ATP8A2: variants seen among roughly 807,000 people sequenced by gnomAD.
ATP8A2 encodes phospholipid-transporting ATPase IB.
A neutral mutation model predicts 165.6 loss-of-function variants in ATP8A2; 100 were observed. That is an observed-to-expected ratio of 0.60 (90% CI 0.51 to 0.71). The LOEUF (loss-of-function observed/expected upper bound fraction) is 0.71, where lower values mean the gene tolerates loss of function less well. ATP8A2 is among the 30% of genes least tolerant of loss of function. The pLI is 0.00. For synonymous variants in ATP8A2, 543 were observed against 548.8 expected (o/e 0.99, Z 0.15); for missense variants, 1,227 against 1,479.5 (o/e 0.83, Z 2.80).
chr13:25,644,647 A>T (rs141932881), intron 24 of ATP8A2, among the ~76,000 whole-genome samples: 1 of 152,034 alleles, frequency 6.6e-6, no homozygotes, highest in African/African-American at 2.4e-5. Context: ...TCATTACAGC[A>T]TTTGGTACAA....
In ATP8A2 at chr13:25,676,602, T is replaced by C. The variant is rs74042138; in HGVS notation, c.2212-22571T>C. On this transcript the variant is annotated intron_variant, in intron 24 of 36. Coordinates refer to ENST00000381655, the MANE Select transcript of ATP8A2 (RefSeq NM_016529.6). ...TCACTCTGCCTCACGAGAAAGCTCT[T>C]ATTTTACCTGTGCCAAAGTAAAAAA... Among the ~76,000 whole-genome samples the C allele has an allele frequency of 8.1e-3, 1,236 of 152,302 alleles. 14 individuals carry two copies. Among genetic ancestry groups the C allele is most frequent in the African/African-American group, 0.023 (949 of 41,564 alleles).
At chr13:25,581,486 A>G (rs1406124229) in intron 22 of ATP8A2, among the ~76,000 whole-genome samples, 1 of 152,206 alleles carries the variant, frequency 6.6e-6, no homozygotes, top group Non-Finnish European at 1.5e-5. Context: ...TATGCTACTC[A>G]TTAGTGGACT....
chr13:25,686,748 T>C (rs2042609357), intron 24 of ATP8A2, among the ~76,000 whole-genome samples: 1 of 152,196 alleles, frequency 6.6e-6, no homozygotes, highest in South Asian at 2.1e-4. Context: ...AAGTACAAAC[T>C]GGTCTACTTC....
At chr13:25,546,069 GT>G (rs11364423) in intron 10 of ATP8A2, among the ~76,000 whole-genome samples, 91,674 of 151,236 alleles carry the variant, frequency 0.61, 28,734 homozygotes, top group Non-Finnish European at 0.66. Context: ...TATACACTGG[GT>G]TTTTTTTTTA....
At chr13:25,822,714 C>T (rs2138576245) in intron 27 of ATP8A2, among the ~76,000 whole-genome samples, 1 of 152,184 alleles carries the variant, frequency 6.6e-6, no homozygotes, top group Admixed American at 6.5e-5. Context: ...TATCAGTTTT[C>T]TTTCAACTTT....
At chr13:25,932,865 G>A (rs1954801666) in intron 33 of ATP8A2, among the ~76,000 whole-genome samples, 1 of 151,330 alleles carries the variant, frequency 6.6e-6, no homozygotes, top group South Asian at 2.1e-4. Context: ...CTTTTTTTTT[G>A]AGACGGAGTC....
intron 27 of ATP8A2, among the ~76,000 whole-genome samples, chr13:25,819,685 T>G (rs182638560): frequency 8.9e-4 from 136 of 152,202 alleles, no homozygotes; most frequent in African/African-American, 3.2e-3. Context: ...CTTTCTATTT[T>G]GTTTTCTGCT....
intron 35 of ATP8A2, among the ~76,000 whole-genome samples, chr13:25,988,597 C>T (rs896049827): frequency 1.3e-5 from 2 of 152,314 alleles, no homozygotes; most frequent in South Asian, 2.1e-4. Flanking sequence ...AAAATACTTC[C>T]ACCCGTTTGC....
At chr13:25,804,864 T>G (rs1207142209) in intron 27 of ATP8A2, among the ~76,000 whole-genome samples, 1 of 152,166 alleles carries the variant, frequency 6.6e-6, no homozygotes, top group Non-Finnish European at 1.5e-5. Flanking sequence ...AGAAGCTAGC[T>G]GAGGTTTAAG....
At chr13:25,451,507 A>T (rs1424308594) in intron 1 of ATP8A2, among the ~76,000 whole-genome samples, 2 of 152,010 alleles carry the variant, frequency 1.3e-5, no homozygotes, top group Non-Finnish European at 2.9e-5. Context: ...GCTAGTCTAT[A>T]CCTCCTTACA....
chr13:25,650,420 TA>T, intron 24 of ATP8A2, among the ~76,000 whole-genome samples: 1 of 152,338 alleles, frequency 6.6e-6, no homozygotes, highest in South Asian at 2.1e-4. Context: ...TTATTAATTC[TA>T]ATATGTAGAT....
intron 30 of ATP8A2, among the ~76,000 whole-genome samples, chr13:25,844,972 C>G (rs1951825406): frequency 6.6e-6 from 1 of 152,196 alleles, no homozygotes; most frequent in South Asian, 2.1e-4. Context: ...CCCTAGAATG[C>G]TTCCAAGAAT....
chr13:25,407,007 A>G (rs1338472263), intron 1 of ATP8A2, among the ~76,000 whole-genome samples: 2 of 152,198 alleles, frequency 1.3e-5, no homozygotes, highest in Admixed American at 1.3e-4. Flanking sequence ...ATTGCTGAGA[A>G]AGGACACTTA....
At chr13:25,845,986 A>C (rs1018882972) in intron 30 of ATP8A2, among the ~76,000 whole-genome samples, 96 of 151,974 alleles carry the variant, frequency 6.3e-4, no homozygotes, top group African/African-American at 2.3e-3. Flanking sequence ...GACCAGCCTG[A>C]CCAACATGGT....
intron 35 of ATP8A2, among the ~76,000 whole-genome samples, chr13:25,973,070 G>T (rs1566316253): frequency 6.6e-6 from 1 of 152,182 alleles, no homozygotes; most frequent in Non-Finnish European, 1.5e-5. Context: ...GTGGGGTGGG[G>T]TGAGCCCAGG....
chr13:25,462,851 C>T lies in ATP8A2; in HGVS notation c.77-6126C>T, dbSNP rs2035540493. 2.6e-5 allele frequency among the ~76,000 whole-genome samples: 4 copies of T among 152,244 alleles called. No individual in the cohort carries two copies. The South Asian group carries it at 8.3e-4, about 32-fold the overall frequency. On this transcript the variant is annotated intron_variant, in intron 1 of 36. Transcript: ENST00000381655. ...AATAGCAAAGATACTCCTATCACTG[C>T]GAAATTCCAGGGATTTAGAGGCTCC...
chr13:25,640,008 G>A (rs1318094317), intron 24 of ATP8A2, among the ~76,000 whole-genome samples: 1 of 152,152 alleles, frequency 6.6e-6, no homozygotes, highest in Non-Finnish European at 1.5e-5. Flanking sequence ...TGACTACTGG[G>A]TACATAACAA....
At chr13:25,581,187 A>G (rs1460766577) in intron 22 of ATP8A2, among the ~76,000 whole-genome samples, 1 of 152,172 alleles carries the variant, frequency 6.6e-6, no homozygotes, top group African/African-American at 2.4e-5. Flanking sequence ...ATGTGAGTAC[A>G]TGGAGCAGGC....
At chr13:25,655,754 G>A (rs539597177) in intron 24 of ATP8A2, among the ~76,000 whole-genome samples, 4 of 150,476 alleles carry the variant, frequency 2.7e-5, no homozygotes, top group East Asian at 1.9e-4. Flanking sequence ...CAAAAAACCC[G>A]AAAGTACATG....
Sources: gnomAD v4.1 joint callset for allele counts (sites outside exome capture counted in the v4.1 genomes callset) on GRCh38, gnomAD v4.1.1 for gene constraint, MANE v1.5 for transcripts, NCBI Gene and HGNC (gene_info 2026-07-23, HGNC 2026-07-21) for gene names.